The following KIF13A variants were observed in gnomAD, a reference collection of about 807,000 sequenced individuals.
The protein encoded by KIF13A is kinesin-like protein KIF13A.
Under a neutral mutation model 212.2 loss-of-function variants are expected in KIF13A, and 79 were observed. The ratio of observed to expected loss-of-function variants is 0.37; its 90% CI spans 0.31 to 0.45. KIF13A has a LOEUF of 0.45. KIF13A is among the 20% of genes least tolerant of loss of function. KIF13A has a pLI of 1.00. For missense variants in KIF13A, 1,901 were observed against 2,209.0 expected, an observed-to-expected ratio of 0.86 and a Z score of 2.79; for synonymous variants, 789 against 808.6, an observed-to-expected ratio of 0.98 and a Z score of 0.41.
rs1237445618 is a variant in KIF13A at position 17,872,390 on chromosome 6, C to CAA, written c.220+986_220+987insTT. 6.6e-6 allele frequency among the ~76,000 whole-genome samples: 1 copy of CAA among 152,062 alleles called. No individual in the cohort carries two copies. The highest frequency in any genetic ancestry group is 1.5e-5 in the Non-Finnish European group (1 of 68,016). On this transcript the variant is annotated intron_variant, in intron 4 of 38. Transcript: ENST00000259711. The surrounding 1 kb of genome is among the most constrained non-coding windows in gnomAD (Gnocchi z 4.7). ...CTTATAAGTAGAAATAAGGAGAAAA[C>CAA]ACTCAGTAGGAAGAAATAGTTCACG...
chr6:17,960,683 C>T (rs764687601), intron 2 of KIF13A, among the ~76,000 whole-genome samples: 10 of 152,066 alleles, frequency 6.6e-5, no homozygotes, highest in Non-Finnish European at 1.5e-4. Context: ...TCCAAAGGGA[C>T]CATGGGTTTT....
At position 17,787,912 on chromosome 6, in the gene KIF13A, G is replaced by T; in HGVS notation, c.3262-37C>A. The T allele has an allele frequency of 9.2e-7, 1 of 1,083,214 alleles. No individual in the cohort carries two copies. The highest frequency in any genetic ancestry group is 1.4e-6 in the Non-Finnish European group (1 of 715,318). The allele number at this position is 1,083,214 out of a possible 1,614,324, so 67.1% of individuals were successfully genotyped here. On this transcript the variant is annotated intron_variant, in intron 26 of 38. Transcript: ENST00000259711. This position sits in a 1 kb window ranked among gnomAD's most constrained non-coding sequence, Gnocchi z 4.6. ...GAGGGAAAATATTTTCCTGTAGACT[G>T]CACAGACAACGATTTCTTTCTTTCT...
At chr6:17,774,793 T>A (rs1334372675) in intron 35 of KIF13A, among the ~76,000 whole-genome samples, 2 of 148,860 alleles carry the variant, frequency 1.3e-5, no homozygotes, top group African/African-American at 4.9e-5. Context: ...AAAAAAGAAG[T>A]GCAAAGCAAT....
intron 2 of KIF13A, among the ~76,000 whole-genome samples, chr6:17,972,027 A>G (rs1329765479): frequency 3.9e-5 from 6 of 152,228 alleles, no homozygotes. Flanking sequence ...GAAGAATACT[A>G]TTCCATCAAA....
rs1581517825 is a variant in KIF13A, at chr6:17,849,666, T to C, written c.718-177A>G. ...CCAGCAATTAATTTCATAGTTAACA[T>C]TTAAATAGGCGTAGAAATGTAGCAT... On this transcript the variant is annotated intron_variant, in intron 8 of 38. Coordinates refer to ENST00000259711, the MANE Select transcript of KIF13A (RefSeq NM_022113.6). This position sits in a 1 kb window ranked among gnomAD's most constrained non-coding sequence, Gnocchi z 5.7. 6.6e-6 allele frequency among the ~76,000 whole-genome samples: 1 copy of C among 152,198 alleles called. No homozygotes were observed. Among genetic ancestry groups the C allele is most frequent in the East Asian group, 1.9e-4 (1 of 5,194 alleles).
intron 33 of KIF13A, 125 bp downstream of exon 33, chr6:17,778,822 T>C (rs1760223629): frequency 4.5e-6 from 5 of 1,113,234 alleles, no homozygotes; most frequent in South Asian, 1.4e-5. Context: ...GTCCTTTCAA[T>C]AGAGATGGCT....
At chr6:17,845,380 T>C (rs1163054469) in intron 9 of KIF13A, among the ~76,000 whole-genome samples, 1 of 152,192 alleles carries the variant, frequency 6.6e-6, no homozygotes, top group Non-Finnish European at 1.5e-5. Flanking sequence ...TAACAAATTA[T>C]ACTGATACAA....
At chr6:17,975,571 C>T (rs1341279933) in intron 2 of KIF13A, among the ~76,000 whole-genome samples, 1 of 152,136 alleles carries the variant, frequency 6.6e-6, no homozygotes, top group African/African-American at 2.4e-5. Flanking sequence ...CAGTACAGAA[C>T]AAAACGCGAA....
chr6:17,902,164 T>C (rs1207868657), intron 2 of KIF13A, among the ~76,000 whole-genome samples: 1 of 152,176 alleles, frequency 6.6e-6, no homozygotes, highest in Admixed American at 6.5e-5. Context: ...GAAACAGACC[T>C]AAGTGACCCC....
chr6:17,837,917 C>T lies in KIF13A; in HGVS notation c.831-334G>A, dbSNP rs1011166401. 6.6e-6 allele frequency among the ~76,000 whole-genome samples: 1 copy of T among 151,708 alleles called. No homozygotes were observed. The highest frequency in any genetic ancestry group is 1.5e-5 in the Non-Finnish European group (1 of 67,940). On this transcript the variant is annotated intron_variant, in intron 9 of 38. Transcript: ENST00000259711. The surrounding 1 kb of genome is among the most constrained non-coding windows in gnomAD (Gnocchi z 5.4). ...GCAGTGAGCCGAGACTGTGCCACTG[C>T]ACTGCAGCCTGGGCGACAGAGTGAG... is the stretch of plus-strand genomic sequence containing the variant.
At chr6:17,957,543 C>G (rs1429499084) in intron 2 of KIF13A, among the ~76,000 whole-genome samples, 1 of 152,146 alleles carries the variant, frequency 6.6e-6, no homozygotes, top group Non-Finnish European at 1.5e-5. Flanking sequence ...TCCTGGAAAC[C>G]CCAACTTGAA....
chr6:17,796,647 A>G (rs867470147), intron 23 of KIF13A, 22 bp downstream of exon 23: 28 of 1,443,220 alleles, frequency 1.9e-5, no homozygotes, highest in Non-Finnish European at 2.0e-5. Context: ...CTTGTACCTA[A>G]AGCTCACAGC....
chr6:17,906,766 T>C (rs1490625557), intron 2 of KIF13A, among the ~76,000 whole-genome samples: 2 of 152,150 alleles, frequency 1.3e-5, no homozygotes, highest in Non-Finnish European at 2.9e-5. Context: ...GTGGTACTTT[T>C]CAAGAACACT....
intron 16 of KIF13A, among the ~76,000 whole-genome samples, chr6:17,824,760 C>CA (rs1234476186): frequency 0.034 from 1,627 of 48,416 alleles, 83 homozygotes; most frequent in African/African-American, 0.095. Context: ...GACTCCGTCT[C>CA]AAAAAAAAAA....
At chr6:17,896,973 T>G (rs766687800) in intron 3 of KIF13A, among the ~76,000 whole-genome samples, 18 of 152,222 alleles carry the variant, frequency 1.2e-4, no homozygotes, top group Non-Finnish European at 2.2e-4. Flanking sequence ...GGATTATATC[T>G]ACGTCGACAA....
intron 2 of KIF13A, among the ~76,000 whole-genome samples, chr6:17,957,689 A>C (rs1283680002): frequency 1.3e-5 from 2 of 152,158 alleles, no homozygotes; most frequent in Non-Finnish European, 2.9e-5. Context: ...ACTGAATCAG[A>C]GGACACCCAG....
intron 4 of KIF13A, among the ~76,000 whole-genome samples, chr6:17,862,179 T>G (rs912802062): frequency 3.3e-5 from 5 of 152,124 alleles, no homozygotes; most frequent in Non-Finnish European, 7.4e-5. Flanking sequence ...CCACTGTTTT[T>G]ACAATTTGAC....
chr6:17,802,190 A>C (rs1468081378), intron 20 of KIF13A, among the ~76,000 whole-genome samples: 2 of 152,234 alleles, frequency 1.3e-5, no homozygotes, highest in East Asian at 3.8e-4. Context: ...AGGACCTACA[A>C]GAAATTACTC....
chr6:17,931,720 T>C (rs1561775482), intron 2 of KIF13A, among the ~76,000 whole-genome samples: 2 of 152,110 alleles, frequency 1.3e-5, no homozygotes, highest in South Asian at 4.1e-4. Context: ...GACAACATTG[T>C]AAGACTGGAC....
Sources: allele counts gnomAD v4.1 joint callset (sites outside exome capture counted in the v4.1 genomes callset), GRCh38; gene constraint gnomAD v4.1.1; non-coding constraint Gnocchi (gnomAD v3.1); transcripts MANE v1.5; gene names NCBI Gene and HGNC (gene_info 2026-07-23, HGNC 2026-07-21).